ELMO1: variants seen among roughly 807,000 people sequenced by gnomAD.
ELMO1 encodes the protein engulfment and cell motility protein 1.
ELMO1 carries 26 observed loss-of-function variants against 98.9 expected under a neutral mutation model. The ratio of observed to expected loss-of-function variants is 0.26; its 90% confidence interval spans 0.19 to 0.36. The LOEUF (loss-of-function observed/expected upper bound fraction) is 0.36. Ranked by LOEUF, ELMO1 falls within the 10% of genes least tolerant of loss-of-function variation. The pLI, the probability that ELMO1 is intolerant of heterozygous loss-of-function variation, is 1.00. For missense variants in ELMO1, 627 were observed against 935.2 expected (o/e 0.67, Z 4.30); for synonymous variants, 346 against 346.0 (o/e 1.00, Z 0.00).
At chr7:37,152,541 T>A (rs1788435611) in intron 13 of ELMO1, among the ~76,000 whole-genome samples, 1 of 151,880 alleles carries the variant, frequency 6.6e-6, no homozygotes, top group African/African-American at 2.4e-5. Flanking sequence ...ACAGCAATGA[T>A]CAAATATACC....
chr7:37,120,580 G>A (rs543960419), intron 14 of ELMO1, among the ~76,000 whole-genome samples: 44 of 152,316 alleles, frequency 2.9e-4, no homozygotes, highest in African/African-American at 8.7e-4. Context: ...TCTAGGGGAG[G>A]GGCACCCGCC....
At chr7:37,324,640 G>A (rs1273344449) in intron 2 of ELMO1, among the ~76,000 whole-genome samples, 2 of 152,190 alleles carry the variant, frequency 1.3e-5, no homozygotes, top group Non-Finnish European at 2.9e-5. Flanking sequence ...GGAGTGCAGT[G>A]TTATGATCTT....
chr7:36,876,570 C>T (rs950344971), intron 19 of ELMO1, among the ~76,000 whole-genome samples: 3 of 152,084 alleles, frequency 2.0e-5, no homozygotes, highest in African/African-American at 7.2e-5. Context: ...TGGTCCCCAC[C>T]CACTGAGTTT....
At chr7:36,879,277 G>A (rs16879514) in intron 18 of ELMO1, among the ~76,000 whole-genome samples, 7,000 of 152,236 alleles carry the variant, frequency 0.046, 352 homozygotes, top group East Asian at 0.24. Flanking sequence ...CACAGTTGGC[G>A]TTGGCTAAGC....
chr7:37,259,111 G>A, intron 6 of ELMO1, 70 bp downstream of exon 6: 1 of 1,502,370 alleles, frequency 6.7e-7, no homozygotes, highest in Non-Finnish European at 9.0e-7. Context: ...GCAAGTGTAA[G>A]GCATGTAACA....
chr7:36,861,923 C>T (rs79752238), intron 20 of ELMO1, 187 bp from the exon 21 acceptor site: 28 of 611,860 alleles, frequency 4.6e-5, no homozygotes, highest in South Asian at 9.6e-5. Context: ...TCTCCATTCA[C>T]GGCGGTCTGT....
chr7:36,906,243 C>A (rs1282693696), intron 16 of ELMO1, among the ~76,000 whole-genome samples: 1 of 152,162 alleles, frequency 6.6e-6, no homozygotes, highest in Non-Finnish European at 1.5e-5. Flanking sequence ...GTGGAAGTGG[C>A]CACAAAGTTG....
intron 4 of ELMO1, among the ~76,000 whole-genome samples, chr7:37,292,786 A>ATG: frequency 3.4e-5 from 2 of 58,530 alleles, no homozygotes; most frequent in Non-Finnish European, 7.6e-5. Flanking sequence ...GGAGGGAGGG[A>ATG]GGTGGGGGGG....
intron 8 of ELMO1, among the ~76,000 whole-genome samples, chr7:37,226,964 C>G (rs569841075): frequency 4.9e-4 from 74 of 152,288 alleles, no homozygotes; most frequent in Non-Finnish European, 8.7e-4. Flanking sequence ...CTATGAAGTA[C>G]ACTGCGGGCC....
At chr7:37,174,694 T>C (rs140247963) in intron 13 of ELMO1, among the ~76,000 whole-genome samples, 3 of 152,322 alleles carry the variant, frequency 2.0e-5, no homozygotes, top group African/African-American at 7.2e-5. Context: ...CATGATGTTA[T>C]TCATTGAACG....
intron 2 of ELMO1, among the ~76,000 whole-genome samples, chr7:37,329,359 G>C (rs1178527129): frequency 6.6e-6 from 1 of 152,154 alleles, no homozygotes; most frequent in Non-Finnish European, 1.5e-5. Flanking sequence ...TCAAATCAGA[G>C]TAATTAGCAT....
In ELMO1 at chr7:36,870,038, G is replaced by T. The variant is rs1381578999; in HGVS notation, c.1905+355C>A. 2.0e-5 allele frequency among the ~76,000 whole-genome samples: 3 copies of T among 152,184 alleles called. No homozygotes were observed. Among genetic ancestry groups the T allele is most frequent in the Non-Finnish European group, 1.5e-5 (1 of 68,030 alleles). ...GATATTGGGGTGGAAGTTGGAGAAG[G>T]GAGAAATAAACATAAATGGGGGAGG... On this transcript the variant is annotated intron_variant, in intron 20 of 21. Transcript: ENST00000310758. The surrounding 1 kb of genome is among the most constrained non-coding windows in gnomAD (Gnocchi z 4.4).
At chr7:37,254,201 T>C (rs2541080) in intron 6 of ELMO1, among the ~76,000 whole-genome samples, 48,203 of 152,016 alleles carry the variant, frequency 0.32, 7,771 homozygotes, top group Middle Eastern at 0.43. Flanking sequence ...TAACTTTGAA[T>C]TTACATAAAA....
chr7:37,349,053 G>A (rs895389358), intron 1 of ELMO1, among the ~76,000 whole-genome samples: 2 of 152,144 alleles, frequency 1.3e-5, no homozygotes, highest in African/African-American at 2.4e-5. Context: ...CTGGTGAACC[G>A]TGTGTCCCCT....
chr7:37,214,959 A>G (rs1365025423), intron 11 of ELMO1, among the ~76,000 whole-genome samples: 1 of 152,206 alleles, frequency 6.6e-6, no homozygotes, highest in Non-Finnish European at 1.5e-5. Flanking sequence ...TCCCACATCA[A>G]GGTAATATGA....
chr7:37,312,086 GT>G (rs1798916964), intron 4 of ELMO1, among the ~76,000 whole-genome samples: 1 of 152,178 alleles, frequency 6.6e-6, no homozygotes, highest in Non-Finnish European at 1.5e-5. Flanking sequence ...TACATACTTT[GT>G]TTTTTGTTGT....
At chr7:36,960,604 C>T (rs1479030629) in intron 16 of ELMO1, among the ~76,000 whole-genome samples, 1 of 151,940 alleles carries the variant, frequency 6.6e-6, no homozygotes, top group Non-Finnish European at 1.5e-5. Context: ...CCCCATCCCC[C>T]CCACTCACTC....
At chr7:36,976,870 C>A (rs181300718) in intron 16 of ELMO1, among the ~76,000 whole-genome samples, 1 of 152,328 alleles carries the variant, frequency 6.6e-6, no homozygotes, top group Admixed American at 6.5e-5. Flanking sequence ...GGAGAATGAG[C>A]ACCCAGGTTG....
intron 17 of ELMO1, 95 bp downstream of exon 17, chr7:36,894,759 G>A: frequency 6.6e-7 from 1 of 1,504,612 alleles, no homozygotes; most frequent in Non-Finnish European, 9.1e-7. Context: ...TCCCTGAGGA[G>A]CTCACAACAC....
Sources: gnomAD v4.1 joint callset for allele counts (sites outside exome capture counted in the v4.1 genomes callset) on GRCh38, gnomAD v4.1.1 for gene constraint, Gnocchi (gnomAD v3.1) non-coding constraint, MANE v1.5 for transcripts, NCBI Gene and HGNC (gene_info 2026-07-23, HGNC 2026-07-21) for gene names.